OR2L13: variants seen among roughly 807,000 people sequenced by gnomAD.
The protein encoded by OR2L13 is olfactory receptor 2L13.
Under a neutral mutation model 15.3 loss-of-function variants are expected in OR2L13, and 14 were observed. The ratio of observed to expected loss-of-function variants is 0.91; its 90% CI spans 0.60 to 1.43. The LOEUF (loss-of-function observed/expected upper bound fraction) is 1.43. Among genes scored for constraint, OR2L13 ranks in the 40% most tolerant of loss-of-function variants. The probability of loss-of-function intolerance (pLI) is 0.00; values close to 1 mark genes in which losing one functional copy is unlikely to be tolerated. For missense variants in OR2L13, 367 were observed against 387.9 expected, an observed-to-expected ratio of 0.95 and a Z score of 0.45; for synonymous variants, 152 against 142.9, an observed-to-expected ratio of 1.06 and a Z score of -0.45.
chr1:248,070,972 T>C, the OR2L13 span, among the ~76,000 whole-genome samples: 17 of 152,268 alleles, frequency 1.1e-4, no homozygotes, highest in East Asian at 3.1e-3. Flanking sequence ...TCTGAAATTG[T>C]GGCAATAATC....
At chr1:247,967,649 C>T in the OR2L13 span, among the ~76,000 whole-genome samples, 1 of 151,918 alleles carries the variant, frequency 6.6e-6, no homozygotes, top group African/African-American at 2.4e-5. Flanking sequence ...TCAATTTGTC[C>T]AGAAATACCA....
chr1:247,958,977 C>A, the OR2L13 span, among the ~76,000 whole-genome samples: 17 of 152,268 alleles, frequency 1.1e-4, no homozygotes, highest in East Asian at 3.3e-3. Flanking sequence ...GAATTTGATC[C>A]TGTCATTATG....
At chr1:247,989,872 G>A in the OR2L13 span, among the ~76,000 whole-genome samples, 39 of 152,034 alleles carry the variant, frequency 2.6e-4, no homozygotes, top group Middle Eastern at 0.01. Flanking sequence ...TTGCATTACC[G>A]TGCCTACATT....
At chr1:247,999,281 A>G in the OR2L13 span, among the ~76,000 whole-genome samples, 1 of 152,156 alleles carries the variant, frequency 6.6e-6, no homozygotes, top group South Asian at 2.1e-4. Context: ...CCTCATTCCA[A>G]AATAACAGAC....
the OR2L13 span, among the ~76,000 whole-genome samples, chr1:248,067,770 G>GA: frequency 6.6e-6 from 1 of 152,214 alleles, no homozygotes; most frequent in East Asian, 1.9e-4. Flanking sequence ...ACGGCACCTG[G>GA]AAAATCGGGC....
At chr1:248,007,670 A>C in the OR2L13 span, among the ~76,000 whole-genome samples, 1 of 152,112 alleles carries the variant, frequency 6.6e-6, no homozygotes, top group African/African-American at 2.4e-5. Flanking sequence ...TTTCCATCCA[A>C]ATGTTATGCT....
chr1:247,982,098 A>G, the OR2L13 span, among the ~76,000 whole-genome samples: 6 of 152,176 alleles, frequency 3.9e-5, no homozygotes, highest in Non-Finnish European at 7.4e-5. Flanking sequence ...TACAAGCGTG[A>G]GCCACCGCGC....
the OR2L13 span, among the ~76,000 whole-genome samples, chr1:247,986,940 A>G: frequency 4.4e-3 from 671 of 152,316 alleles, 3 homozygotes; most frequent in Non-Finnish European, 7.5e-3. Flanking sequence ...AATACAGGAT[A>G]TATTTCCATT....
the OR2L13 span, among the ~76,000 whole-genome samples, chr1:248,071,874 A>G: frequency 6.6e-6 from 1 of 151,388 alleles, no homozygotes; most frequent in Non-Finnish European, 1.5e-5. Flanking sequence ...ACTCCCATTC[A>G]CAATTGCTTC....
At chr1:248,011,243 T>C in the OR2L13 span, among the ~76,000 whole-genome samples, 6 of 152,280 alleles carry the variant, frequency 3.9e-5, no homozygotes, top group Middle Eastern at 6.8e-3. Flanking sequence ...AATTATGTTT[T>C]GAAAATTCTT....
chr1:248,026,614 A>AGG, the OR2L13 span, among the ~76,000 whole-genome samples: 1 of 152,168 alleles, frequency 6.6e-6, no homozygotes, highest in Non-Finnish European at 1.5e-5. Context: ...CCCCGAATGG[A>AGG]GGGACCGGCT....
chr1:247,968,692 G>T, the OR2L13 span, among the ~76,000 whole-genome samples: 5 of 152,110 alleles, frequency 3.3e-5, no homozygotes, highest in Admixed American at 2.0e-4. Context: ...TTTTATGGCT[G>T]CATAGTATTC....
At chr1:248,072,224 A>G in the OR2L13 span, among the ~76,000 whole-genome samples, 3 of 152,298 alleles carry the variant, frequency 2.0e-5, no homozygotes, top group South Asian at 4.1e-4. Flanking sequence ...CTGACTTCAA[A>G]CTATACTACA....
At chr1:248,084,957 T>C in the OR2L13 span, among the ~76,000 whole-genome samples, 19 of 152,214 alleles carry the variant, frequency 1.2e-4, no homozygotes, top group Non-Finnish European at 1.2e-4. Context: ...TTATAGTTAC[T>C]GCTATTCTCT....
chr1:247,979,658 T>C, the OR2L13 span, among the ~76,000 whole-genome samples: 1 of 152,204 alleles, frequency 6.6e-6, no homozygotes, highest in South Asian at 2.1e-4. Context: ...CTCCGTGGGC[T>C]GCACCCACTG....
At chr1:248,030,193 T>C in the OR2L13 span, 1 of 152,188 alleles carries the variant, frequency 6.6e-6, no homozygotes, top group Non-Finnish European at 1.5e-5. Flanking sequence ...TGCCGTCAGC[T>C]AAGCAAAGGC....
At chr1:248,093,759 A>G (rs1664654810), upstream of OR2L13, among the ~76,000 whole-genome samples, 1 of 152,138 alleles carries the variant, frequency 6.6e-6, no homozygotes, top group Non-Finnish European at 1.5e-5. Flanking sequence ...TTTATGGTTG[A>G]ATAGTGTTCT....
the OR2L13 span, among the ~76,000 whole-genome samples, chr1:248,071,709 A>G: frequency 2.0e-5 from 3 of 150,682 alleles, no homozygotes; most frequent in Non-Finnish European, 3.0e-5. Context: ...AGACGAGATG[A>G]TTGTATATCT....
chr1:247,991,860 A>G, the OR2L13 span, among the ~76,000 whole-genome samples: 2 of 149,602 alleles, frequency 1.3e-5, no homozygotes, highest in Admixed American at 6.6e-5. Flanking sequence ...CTCTGAGTGA[A>G]AGGCCATTGC....
Sources: gnomAD v4.1 joint callset for allele counts (sites outside exome capture counted in the v4.1 genomes callset) on GRCh38, gnomAD v4.1.1 for gene constraint, MANE v1.5 for transcripts, NCBI Gene and HGNC (gene_info 2026-07-23, HGNC 2026-07-21) for gene names.